TMX1: variants seen among roughly 807,000 people sequenced by gnomAD.
TMX1 encodes the protein thioredoxin related transmembrane protein 1.
In TMX1, 25 loss-of-function variants were observed where a neutral mutation model predicts 36.6. That is an observed-to-expected ratio of 0.68 (90% confidence interval 0.50 to 0.95). The LOEUF is 0.95. TMX1 is among the 40% of genes least tolerant of loss of function. TMX1 has a pLI of 0.00. For synonymous variants in TMX1, 133 were observed against 118.0 expected, an observed-to-expected ratio of 1.13 and a Z score of -0.82; for missense variants, 347 against 339.6, an observed-to-expected ratio of 1.02 and a Z score of -0.17.
At position 51,254,459 on chromosome 14, in the gene TMX1, T is replaced by C. The variant is rs1217194848; in HGVS notation, c.783T>C (p.Phe261=). 4 of 1,611,484 alleles carry C rather than the reference T, an allele frequency of 2.5e-6. No individual in the cohort carries two copies. In the South Asian group the frequency reaches 4.4e-5, roughly 18 times the overall value. ...GTAAAGAAGGAACAAACAAAGACTT[T>C]CCACAGAATGCCATAAGACAACGCT... ...AESKEGTNKD[F]PQNAIRQRSL... The change falls in exon 8 of 8, where the codon TTT becomes TTC. Residue 261 remains phenylalanine, a synonymous_variant. Coordinates refer to ENST00000457354, the MANE Select transcript of TMX1 (RefSeq NM_030755.5).
At position 51,245,337 on chromosome 14, in the gene TMX1, C is replaced by A. The variant is rs17855601; in HGVS notation, c.293C>A (p.Thr98Asn). ...QPGLSGRFII[T>N]ALPTIYHCKD... is the part of the protein sequence containing the mutation. ...GGACTGAGTGGACGGTTTATCATAA[C>A]TGCTCTTCCTACTATTTATCAGTAA... Residue 98 changes from threonine to asparagine, a missense_variant, in exon 3 of 8, where the codon ACT becomes AAT. Thr to Asn is a moderately conservative substitution (Grantham distance 65). Transcript: ENST00000457354. 1 of 1,613,978 alleles carries A rather than the reference C, an allele frequency of 6.2e-7. No individual in the cohort carries two copies. The highest frequency in any genetic ancestry group is 8.5e-7 in the Non-Finnish European group (1 of 1,179,926).
Position 51,255,146 on chromosome 14 carries a change from T to C in TMX1, c.*627T>C, listed in dbSNP as rs905223365. The C allele has an allele frequency of 1.3e-5, 2 of 152,112 alleles. No individual in the cohort carries two copies. Among genetic ancestry groups the C allele is most frequent in the African/African-American group, 2.4e-5 (1 of 41,462 alleles). The allele number at this position is 152,112 out of a possible 1,614,324, so 9.4% of individuals were successfully genotyped here. A position where few individuals can be genotyped will look rare whatever the true frequency, so the allele number is the denominator to read the frequency against. On this transcript the variant is annotated 3_prime_UTR_variant, in exon 8 of 8. Transcript: ENST00000457354. Reference sequence around the variant, plus strand: ...AAGTTTTTAAGTTCATGGTATTCTCTTGATTCCAACAAAGTTTGATTTTCT... The same window carrying C: ...AAGTTTTTAAGTTCATGGTATTCTCCTGATTCCAACAAAGTTTGATTTTCT...
At chr14:51,247,873 G>C (rs2065793960) in intron 4 of TMX1, among the ~76,000 whole-genome samples, 1 of 152,132 alleles carries the variant, frequency 6.6e-6, no homozygotes. Context: ...ATTTGAATGA[G>C]TAGGCTCAAA....
chr14:51,252,254 A>G (rs1448965703), intron 7 of TMX1, among the ~76,000 whole-genome samples: 2 of 149,866 alleles, frequency 1.3e-5, no homozygotes, highest in Admixed American at 6.7e-5. Flanking sequence ...ATTATGATCC[A>G]CAGTAAAAGT....
chr14:51,247,817 A>T (rs2065793646), intron 4 of TMX1, among the ~76,000 whole-genome samples: 1 of 152,206 alleles, frequency 6.6e-6, no homozygotes. Context: ...AATGCCCCTA[A>T]GAGTCTTCAC....
chr14:51,245,588 T>G (rs1187121940), intron 3 of TMX1: 1 of 1,084,016 alleles, frequency 9.2e-7, no homozygotes, highest in East Asian at 2.9e-5. Flanking sequence ...TGGAAAGTGA[T>G]GTTCTTGTGA....
In TMX1 at chr14:51,245,293, T is replaced by C. The variant is rs767262907; in HGVS notation, c.269-20T>C. On this transcript the variant is annotated intron_variant, in intron 2 of 7. Coordinates refer to ENST00000457354, the MANE Select transcript of TMX1 (RefSeq NM_030755.5). ...AGTGATTGGCCTATGTAAAACCTGC[T>C]GTGTGTTCTTTATTTGTAGGACTGA... is the stretch of plus-strand genomic sequence containing the variant. 5.6e-6 allele frequency: 9 copies of C among 1,613,302 alleles called. No individual in the cohort carries two copies. The East Asian group carries it at 1.6e-4, about 28-fold the overall frequency.
chr14:51,250,511 A>G (rs1163385253), intron 7 of TMX1, among the ~76,000 whole-genome samples: 2 of 151,256 alleles, frequency 1.3e-5, no homozygotes, highest in African/African-American at 4.9e-5. Flanking sequence ...TTTGTTTTTG[A>G]GACGGAGTCT....
intron 1 of TMX1, among the ~76,000 whole-genome samples, chr14:51,240,654 C>G (rs2065756455): frequency 6.6e-6 from 1 of 152,176 alleles, no homozygotes; most frequent in Non-Finnish European, 1.5e-5. Context: ...TAAGTTTCTT[C>G]TGGGGTGCAC....
chr14:51,241,854 G>A (rs962687540), intron 1 of TMX1, among the ~76,000 whole-genome samples: 5 of 152,204 alleles, frequency 3.3e-5, no homozygotes, highest in African/African-American at 7.2e-5. Flanking sequence ...AAACTGGCCG[G>A]CGCGGTGGCT....
At chr14:51,253,351 G>A (rs72672123) in intron 7 of TMX1, among the ~76,000 whole-genome samples, 2,585 of 152,342 alleles carry the variant, frequency 0.017, 38 homozygotes, top group Admixed American at 0.025. Flanking sequence ...CTGTAAACTA[G>A]TATTCACCAG....
Position 51,249,524 on chromosome 14 carries a change from T to C in TMX1, c.546T>C (p.Thr182=), listed in dbSNP as rs768729093. ...GATTGCCAGTGTGGGGATCATATAC[T>C]GTTTTTGCTTTAGCAACTCTGTTTT... is the stretch of plus-strand genomic sequence containing the variant. The part of the protein sequence containing the change: ...DLGLPVWGSY[T]VFALATLFSG... Residue 182 remains threonine, a synonymous_variant, in exon 6 of 8, where the codon ACT becomes ACC. Transcript: ENST00000457354. 9.3e-6 allele frequency: 15 copies of C among 1,613,864 alleles called. No individual in the cohort carries two copies. In the East Asian group the frequency reaches 3.3e-4, roughly 36 times the overall value.
chr14:51,246,278 T>G (rs2139853435), intron 3 of TMX1, among the ~76,000 whole-genome samples: 1 of 152,292 alleles, frequency 6.6e-6, no homozygotes, highest in South Asian at 2.1e-4. Context: ...TTTCTTTTAG[T>G]CAAAATTGTT....
rs563538421 is a variant in TMX1, at chr14:51,255,753, T to G, written c.*1234T>G. On this transcript the variant is annotated 3_prime_UTR_variant, in exon 8 of 8. Transcript: ENST00000457354. ...GAACATTTTAGTGTATTTTTACTCC[T>G]TAAAGAGCTAGAATACATAGTTTTC... is the stretch of plus-strand genomic sequence containing the variant. 6.6e-6 allele frequency: 1 copy of G among 152,192 alleles called. No individual in the cohort carries two copies. The highest frequency in any genetic ancestry group is 2.1e-4 in the South Asian group (1 of 4,828). 9.4% of individuals were successfully genotyped at this position (152,192 alleles called of 1,614,324 possible).
intron 2 of TMX1, 83 bp downstream of exon 2, chr14:51,244,054 A>G (rs191818956): frequency 4.2e-5 from 47 of 1,118,784 alleles, no homozygotes; most frequent in Non-Finnish European, 3.7e-6. Flanking sequence ...CATAGTCTTA[A>G]TTCTACCTTT....
chr14:51,240,591 T>C lies in TMX1; in HGVS notation c.152+147T>C, dbSNP rs532262584. 112 of 1,219,150 alleles carry C rather than the reference T, an allele frequency of 9.2e-5. 1 individual carries two copies. In the South Asian group the frequency reaches 1.6e-3, roughly 17 times the overall value. 75.5% of individuals were successfully genotyped at this position (1,219,150 alleles called of 1,614,324 possible). On this transcript the variant is annotated intron_variant, in intron 1 of 7. Coordinates refer to ENST00000457354, the MANE Select transcript of TMX1 (RefSeq NM_030755.5). ...CCGACTTCTGCAGCTCCCCAAACTC[T>C]TGGGATCTGCCGCCAGCTTGGTCCC...
intron 1 of TMX1, among the ~76,000 whole-genome samples, chr14:51,242,070 A>G (rs1596403546): frequency 6.6e-6 from 1 of 152,200 alleles, no homozygotes; most frequent in Non-Finnish European, 1.5e-5. Context: ...CAGAGGTTGC[A>G]GTGAGCCGAG....
In TMX1 at chr14:51,248,875, A is replaced by G. The variant is rs569984152; in HGVS notation, c.444-451A>G. On this transcript the variant is annotated intron_variant, in intron 4 of 7. Coordinates refer to ENST00000457354, the MANE Select transcript of TMX1 (RefSeq NM_030755.5). ...CTTGTAAATTTTAATTAATTTCAAT[A>G]AAAAAGAGGGATAGTTCTTAAATGG... Among the ~76,000 whole-genome samples, 9 of 152,346 alleles carry G rather than the reference A, an allele frequency of 5.9e-5. No individual in the cohort carries two copies. In the East Asian group the frequency reaches 1.5e-3, roughly 26 times the overall value.
At chr14:51,254,319 A>T (rs776331273) in intron 7 of TMX1, 22 bp from the exon 8 acceptor site, 4 of 1,568,698 alleles carry the variant, frequency 2.5e-6, no homozygotes, top group Non-Finnish European at 3.4e-6. Context: ...ACAAAAATAC[A>T]TTTTTGGTCT....
Sources: gnomAD v4.1 joint callset for allele counts (sites outside exome capture counted in the v4.1 genomes callset) on GRCh38, gnomAD v4.1.1 for gene constraint, MANE v1.5 for transcripts, NCBI Gene and HGNC (gene_info 2026-07-23, HGNC 2026-07-21) for gene names.